RNF128: variants seen among roughly 807,000 people sequenced by gnomAD.
RNF128 encodes ring finger protein 128, also known as E3 ubiquitin-protein ligase RNF128.
Under a neutral mutation model 26.2 loss-of-function variants are expected in RNF128, and 13 were observed. The observed-to-expected ratio is 0.50, with a 90% confidence interval of 0.32 to 0.79. The LOEUF (loss-of-function observed/expected upper bound fraction) is 0.79. Ranked by LOEUF, RNF128 falls within the 30% of genes least tolerant of loss-of-function variation. The pLI, the probability that RNF128 is intolerant of heterozygous loss-of-function variation, is 0.03. For missense variants in RNF128, 315 were observed against 349.7 expected (o/e 0.90, Z 0.79); for synonymous variants, 149 against 142.5 (o/e 1.05, Z -0.32).
intron 1 of RNF128, among the ~76,000 whole-genome samples, chrX:106,700,519 A>G (rs1440027297): frequency 2.7e-5 from 3 of 109,623 alleles, no homozygotes; most frequent in Non-Finnish European, 5.6e-5. Flanking sequence ...AAGATGGACA[A>G]GTTGAAATGA....
Position 106,790,928 on chromosome X carries a change from A to T in RNF128, c.985-138A>T, listed in dbSNP as rs916772191. On this transcript the variant is annotated intron_variant, in intron 5 of 6. Coordinates refer to ENST00000255499, the MANE Select transcript of RNF128 (RefSeq NM_194463.2). ...GACTGGGGCTAACAAGAGACTTGTG[A>T]TCATCAAAAGGGATCATAGGTTTAA... is the stretch of plus-strand genomic sequence containing the variant. 17 of 528,990 alleles carry T rather than the reference A, an allele frequency of 3.2e-5. No individual in the cohort carries two copies. In the East Asian group the frequency reaches 3.4e-4, roughly 11 times the overall value. 43.6% of individuals were successfully genotyped at this position (528,990 alleles called of 1,213,427 possible). A position where few individuals can be genotyped will look rare whatever the true frequency, so the allele number is the denominator to read the frequency against.
intron 1 of RNF128, among the ~76,000 whole-genome samples, chrX:106,765,166 A>G (rs747574880): frequency 4.1e-4 from 46 of 112,330 alleles, no homozygotes; most frequent in Non-Finnish European, 8.6e-4. Flanking sequence ...GTAGAGTTTT[A>G]AAAAGGGCTT....
intron 1 of RNF128, among the ~76,000 whole-genome samples, chrX:106,711,520 T>C (rs1339646261): frequency 8.9e-6 from 1 of 111,817 alleles, no homozygotes. Flanking sequence ...TTATTGCATA[T>C]CATAGTTAGA....
intron 1 of RNF128, among the ~76,000 whole-genome samples, chrX:106,736,902 T>A (rs1048493364): frequency 1.8e-5 from 2 of 111,939 alleles, no homozygotes. Flanking sequence ...AGAACTGGTT[T>A]ACAAATGAAC....
chrX:106,765,603 A>C (rs762615935), intron 1 of RNF128, among the ~76,000 whole-genome samples: 2 of 111,814 alleles, frequency 1.8e-5, no homozygotes, highest in South Asian at 3.8e-4. Flanking sequence ...TGGATAATAC[A>C]CTCATATTGG....
chrX:106,737,000 A>G (rs1380002031), intron 1 of RNF128, among the ~76,000 whole-genome samples: 3 of 111,206 alleles, frequency 2.7e-5, no homozygotes, highest in African/African-American at 9.8e-5. Context: ...ATTCCCAACC[A>G]TGCTGGTTTA....
intron 1 of RNF128, among the ~76,000 whole-genome samples, chrX:106,729,464 A>T (rs907062139): frequency 2.7e-5 from 3 of 111,038 alleles, no homozygotes; most frequent in African/African-American, 9.8e-5. Context: ...TAATAGGTTA[A>T]TGCTAACAGG....
Position 106,790,166 on chromosome X carries a change from A to G in RNF128, c.888-20A>G, listed in dbSNP as rs774342754. 2.8e-6 allele frequency: 3 copies of G among 1,063,621 alleles called. No individual in the cohort carries two copies. Among genetic ancestry groups the G allele is most frequent in the Non-Finnish European group, 3.9e-6 (3 of 765,812 alleles). The allele number at this position is 1,063,621 out of a possible 1,213,427, so 87.7% of individuals were successfully genotyped here. A position where few individuals can be genotyped will look rare whatever the true frequency, so the allele number is the denominator to read the frequency against. ...TGTTGCTACTTTACAACTGATAATT[A>G]TGTTTTTTTCCTGAATTAGCCATAT... On this transcript the variant is annotated intron_variant, in intron 4 of 6. Transcript: ENST00000255499.
At chrX:106,789,838 A>G (rs987115534) in intron 4 of RNF128, among the ~76,000 whole-genome samples, 32 of 109,844 alleles carry the variant, frequency 2.9e-4, no homozygotes, top group South Asian at 1.9e-3. Context: ...ATATTGGACT[A>G]TATTATTGAG....
At chrX:106,752,836 TA>T (rs1171601648) in intron 1 of RNF128, among the ~76,000 whole-genome samples, 2 of 111,775 alleles carry the variant, frequency 1.8e-5, no homozygotes, top group Non-Finnish European at 3.8e-5. Context: ...TTCAGAATTC[TA>T]TCAGATAAAT....
Position 106,795,841 on chromosome X carries a change from T to G in RNF128, c.*128T>G. On this transcript the variant is annotated 3_prime_UTR_variant, in exon 7 of 7. Coordinates refer to ENST00000255499, the MANE Select transcript of RNF128 (RefSeq NM_194463.2). ...ATACTGAAAGTGCTCAGATGACTAA[T>G]ATTATGCTATAGTTAAATGGCTTAA... 9 of 490,930 alleles carry G rather than the reference T, an allele frequency of 1.8e-5. No homozygotes were observed. The highest frequency in any genetic ancestry group is 2.8e-5 in the Non-Finnish European group (9 of 319,565). 40.5% of individuals were successfully genotyped at this position (490,930 alleles called of 1,213,427 possible). A position where few individuals can be genotyped will look rare whatever the true frequency, so the allele number is the denominator to read the frequency against.
At chrX:106,706,382 A>G (rs1476891414) in intron 1 of RNF128, among the ~76,000 whole-genome samples, 2 of 104,279 alleles carry the variant, frequency 1.9e-5, no homozygotes, top group Admixed American at 9.8e-5. Context: ...ATGCTTCCTT[A>G]TGTGAAAAAA....
At chrX:106,770,974 A>G (rs1164101075) in intron 1 of RNF128, among the ~76,000 whole-genome samples, 1 of 112,381 alleles carries the variant, frequency 8.9e-6, no homozygotes, top group Non-Finnish European at 1.9e-5. Context: ...TCCTTCTAAC[A>G]GTCAGGACCC....
chrX:106,734,643 A>C, intron 1 of RNF128, among the ~76,000 whole-genome samples: 1 of 112,137 alleles, frequency 8.9e-6, no homozygotes, highest in Non-Finnish European at 1.9e-5. Context: ...CCAAAAAGGT[A>C]CATAAATCAT....
upstream of RNF128, among the ~76,000 whole-genome samples, chrX:106,723,636 G>C (rs1353536064): frequency 1.8e-5 from 2 of 110,649 alleles, no homozygotes; most frequent in African/African-American, 6.6e-5. Flanking sequence ...CAAGTTATTT[G>C]ACTAGCTTCA....
chrX:106,725,267 C>A (rs959236019), upstream of RNF128, among the ~76,000 whole-genome samples: 1 of 111,609 alleles, frequency 9.0e-6, no homozygotes, highest in Non-Finnish European at 1.9e-5. Flanking sequence ...AAGTCCTTTT[C>A]AATACCTAAG....
At chrX:106,762,545 T>G (rs1263948948) in intron 1 of RNF128, among the ~76,000 whole-genome samples, 1 of 111,017 alleles carries the variant, frequency 9.0e-6, no homozygotes, top group Non-Finnish European at 1.9e-5. Context: ...ACTCCTGACC[T>G]CAGGTGATCC....
chrX:106,761,864 T>C (rs1176467589), intron 1 of RNF128, among the ~76,000 whole-genome samples: 1 of 110,200 alleles, frequency 9.1e-6, no homozygotes, highest in Non-Finnish European at 1.9e-5. Context: ...AACCTCTATC[T>C]AGTATTTCAT....
chrX:106,702,096 GC>G (rs770157229), intron 1 of RNF128, among the ~76,000 whole-genome samples: 39 of 109,261 alleles, frequency 3.6e-4, no homozygotes, highest in African/African-American at 1.3e-3. Flanking sequence ...ATGCCCAGGT[GC>G]CCCCCTCCCC....
Sources: gnomAD v4.1 joint callset for allele counts (sites outside exome capture counted in the v4.1 genomes callset) on GRCh38, gnomAD v4.1.1 for gene constraint, MANE v1.5 for transcripts, NCBI Gene and HGNC (gene_info 2026-07-23, HGNC 2026-07-21) for gene names.